Variants in CACNA2D3 observed in about 807,000 individuals in gnomAD.
The protein encoded by CACNA2D3 is voltage-dependent calcium channel subunit alpha-2/delta-3.
Under a neutral mutation model 160.6 loss-of-function variants are expected in CACNA2D3, and 60 were observed. The ratio of observed to expected loss-of-function variants is 0.37; its 90% confidence interval spans 0.30 to 0.46. CACNA2D3 has a LOEUF of 0.46. CACNA2D3 is among the 20% of genes least tolerant of loss of function. The probability of loss-of-function intolerance (pLI) is 1.00; values close to 1 mark genes in which losing one functional copy is unlikely to be tolerated. For synonymous variants in CACNA2D3, 558 were observed against 492.9 expected (o/e 1.13, Z -1.75); for missense variants, 1,205 against 1,365.0 (o/e 0.88, Z 1.85).
At chr3:54,843,961 G>T (rs191201698) in intron 16 of CACNA2D3, among the ~76,000 whole-genome samples, 1 of 152,280 alleles carries the variant, frequency 6.6e-6, no homozygotes, top group East Asian at 1.9e-4. Context: ...AAGAAGAGAT[G>T]ACCACTACCC....
rs1292906025 is a variant in CACNA2D3, at chr3:54,169,941, AG to A, written c.204+46348del. Among the ~76,000 whole-genome samples, 4 of 152,252 alleles carry A rather than the reference AG, an allele frequency of 2.6e-5. No individual in the cohort carries two copies. In the East Asian group the frequency reaches 7.7e-4, roughly 29 times the overall value. ...GGTGGCTCATGCCTGTAATCCCCGC[AG>A]TATGGGTGGCTGAGGTGGGCTGATC... On this transcript the variant is annotated intron_variant, in intron 2 of 37. Coordinates refer to ENST00000474759, the MANE Select transcript of CACNA2D3 (RefSeq NM_018398.3).
chr3:54,135,047 T>G (rs1012864759), intron 2 of CACNA2D3, among the ~76,000 whole-genome samples: 4 of 152,216 alleles, frequency 2.6e-5, no homozygotes, highest in Non-Finnish European at 5.9e-5. Flanking sequence ...AGTGCCACAT[T>G]ATCACTGATA....
intron 11 of CACNA2D3, among the ~76,000 whole-genome samples, chr3:54,685,653 A>C (rs1014190327): frequency 6.6e-6 from 1 of 152,190 alleles, no homozygotes; most frequent in African/African-American, 2.4e-5. Flanking sequence ...AAAATAATAT[A>C]CCACCTATAA....
intron 3 of CACNA2D3, among the ~76,000 whole-genome samples, chr3:54,354,993 C>T (rs930999722): frequency 6.6e-6 from 1 of 152,180 alleles, no homozygotes; most frequent in African/African-American, 2.4e-5. Flanking sequence ...TTTCTCTGTC[C>T]TGTTTATACA....
chr3:54,900,448 G>A (rs1398769056), intron 27 of CACNA2D3, among the ~76,000 whole-genome samples: 1 of 152,190 alleles, frequency 6.6e-6, no homozygotes, highest in African/African-American at 2.4e-5. Context: ...CTTTTTAGGA[G>A]TGTCAGCAGC....
At chr3:54,812,162 C>G (rs991167926) in intron 13 of CACNA2D3, among the ~76,000 whole-genome samples, 4 of 152,152 alleles carry the variant, frequency 2.6e-5, no homozygotes, top group Non-Finnish European at 5.9e-5. Flanking sequence ...TTTAAAGACA[C>G]TATCTGGAAA....
chr3:54,588,193 C>T (rs1476903987), intron 9 of CACNA2D3, among the ~76,000 whole-genome samples: 2 of 152,176 alleles, frequency 1.3e-5, no homozygotes, highest in African/African-American at 2.4e-5. Context: ...ACTATATCAA[C>T]AAGCTGAAAA....
rs536425629 is a variant in CACNA2D3 at position 54,418,008 on chromosome 3, G to C, written c.381+31234G>C. On this transcript the variant is annotated intron_variant, in intron 4 of 37. Transcript: ENST00000474759. ...TTGTCATTTTGCCCAGGCTGGTCTT[G>C]AGCTCCTGGGCTCAAGTGATCCATC... Among the ~76,000 whole-genome samples the C allele has an allele frequency of 1.3e-4, 20 of 152,268 alleles. No individual in the cohort carries two copies. The East Asian group carries it at 3.9e-3, about 30-fold the overall frequency.
chr3:54,636,887 G>T (rs1302934960), intron 10 of CACNA2D3, among the ~76,000 whole-genome samples: 3 of 152,002 alleles, frequency 2.0e-5, no homozygotes, highest in African/African-American at 7.3e-5. Context: ...AATTTGCTGA[G>T]CCTAATCAGT....
At chr3:54,804,642 C>T (rs527951026) in intron 13 of CACNA2D3, among the ~76,000 whole-genome samples, 129 of 152,196 alleles carry the variant, frequency 8.5e-4, no homozygotes, top group Non-Finnish European at 1.4e-3. Context: ...GACAGATCAA[C>T]GAGACAGAAA....
At position 54,434,480 on chromosome 3, in the gene CACNA2D3, G is replaced by T. The variant is rs1474735892; in HGVS notation, c.381+47706G>T. On this transcript the variant is annotated intron_variant, in intron 4 of 37. Coordinates refer to ENST00000474759, the MANE Select transcript of CACNA2D3 (RefSeq NM_018398.3). ...AGTGGGACCCATCTGGCATCAGTGA[G>T]ACTCATCAAGGTTGTCTTGTTCAGG... Among the ~76,000 whole-genome samples the T allele has an allele frequency of 2.0e-5, 3 of 152,246 alleles. No homozygotes were observed. The South Asian group carries it at 6.2e-4, about 32-fold the overall frequency.
intron 2 of CACNA2D3, among the ~76,000 whole-genome samples, chr3:54,277,035 C>G (rs1411623908): frequency 6.6e-6 from 1 of 152,220 alleles, no homozygotes; most frequent in African/African-American, 2.4e-5. Flanking sequence ...TGCTGTATTA[C>G]TGGGCCCTGG....
intron 9 of CACNA2D3, among the ~76,000 whole-genome samples, chr3:54,585,706 C>G (rs1475906756): frequency 4.6e-5 from 7 of 152,142 alleles, no homozygotes; most frequent in Non-Finnish European, 1.5e-5. Context: ...CATCAGATCT[C>G]ATGAAATTTG....
At chr3:54,975,560 C>G (rs1702371733) in intron 29 of CACNA2D3, among the ~76,000 whole-genome samples, 1 of 151,038 alleles carries the variant, frequency 6.6e-6, no homozygotes, top group Non-Finnish European at 1.5e-5. Flanking sequence ...ACGTGGCCCC[C>G]TTTGGTGGAA....
intron 9 of CACNA2D3, among the ~76,000 whole-genome samples, chr3:54,622,231 T>C (rs1699003260): frequency 6.6e-6 from 1 of 152,332 alleles, no homozygotes; most frequent in African/African-American, 2.4e-5. Context: ...GTAAATGGTA[T>C]AACCAGCACT....
intron 21 of CACNA2D3, among the ~76,000 whole-genome samples, chr3:54,882,272 A>G (rs1218974231): frequency 6.6e-6 from 1 of 152,190 alleles, no homozygotes; most frequent in African/African-American, 2.4e-5. Context: ...GAAACAACTC[A>G]TGGTCAGAAC....
At chr3:54,943,355 T>C (rs747246945) in intron 27 of CACNA2D3, among the ~76,000 whole-genome samples, 13 of 152,172 alleles carry the variant, frequency 8.5e-5, no homozygotes, top group Non-Finnish European at 7.3e-5. Flanking sequence ...AAGTTAAGAT[T>C]GCCGTTTTTT....
At chr3:54,917,697 T>C (rs1049557229) in intron 27 of CACNA2D3, among the ~76,000 whole-genome samples, 5 of 152,224 alleles carry the variant, frequency 3.3e-5, no homozygotes, top group Admixed American at 6.5e-5. Context: ...GGATATGGCC[T>C]TTTGGTAATA....
intron 9 of CACNA2D3, among the ~76,000 whole-genome samples, chr3:54,602,366 C>T (rs1703076110): frequency 6.6e-6 from 1 of 151,936 alleles, no homozygotes; most frequent in Non-Finnish European, 1.5e-5. Flanking sequence ...GGCATGGTGG[C>T]AAGCACCTGT....
Sources: gnomAD v4.1 joint callset for allele counts (sites outside exome capture counted in the v4.1 genomes callset) on GRCh38, gnomAD v4.1.1 for gene constraint, MANE v1.5 for transcripts, NCBI Gene and HGNC (gene_info 2026-07-23, HGNC 2026-07-21) for gene names.